UBE2E2: variants seen among roughly 807,000 people sequenced by gnomAD.
UBE2E2 encodes ubiquitin conjugating enzyme E2 E2, also known as ubiquitin-conjugating enzyme E2 E2.
UBE2E2 carries 6 observed loss-of-function variants against 24.7 expected under a neutral mutation model. That is an observed-to-expected ratio of 0.24 (90% confidence interval 0.13 to 0.48). UBE2E2 has a LOEUF of 0.48. Ranked by LOEUF, UBE2E2 falls within the 20% of genes least tolerant of loss-of-function variation. The pLI, the probability that UBE2E2 is intolerant of heterozygous loss-of-function variation, is 0.99. For synonymous variants in UBE2E2, 104 were observed against 83.6 expected, an observed-to-expected ratio of 1.24 and a Z score of -1.33; for missense variants, 169 against 245.0, an observed-to-expected ratio of 0.69 and a Z score of 2.07.
intron 3 of UBE2E2, among the ~76,000 whole-genome samples, chr3:23,231,283 TGTATACTTGCTATCAGTTCCACATCTTA>T (rs1269108181): frequency 6.6e-6 from 1 of 152,188 alleles, no homozygotes; most frequent in African/African-American, 2.4e-5. Flanking sequence ...TAAAGCAGCT[TGTATACTTGCTATCAGTTCCACATCTTA>T]GTTGGTTAGT....
chr3:23,577,136 T>G (rs1190968639), intron 5 of UBE2E2, among the ~76,000 whole-genome samples: 2 of 152,026 alleles, frequency 1.3e-5, no homozygotes, highest in East Asian at 3.9e-4. Context: ...AGTGTTCAAG[T>G]GAAAGGAAGA....
chr3:23,383,915 C>T (rs1696742071), intron 3 of UBE2E2, among the ~76,000 whole-genome samples: 1 of 149,596 alleles, frequency 6.7e-6, no homozygotes, highest in Non-Finnish European at 1.5e-5. Flanking sequence ...GGAAAAATTT[C>T]AGTTTCATGC....
In UBE2E2 at chr3:23,413,223, GA is replaced by G. The variant is rs553079287; in HGVS notation, c.228-86377del. On this transcript the variant is annotated intron_variant, in intron 3 of 5. Coordinates refer to ENST00000396703, the MANE Select transcript of UBE2E2 (RefSeq NM_152653.4). The stretch of plus-strand genomic sequence containing the variant: ...ATAATAAAATTAAAAAAAAATCTGA[GA>G]AAAAAAAGTTAATTTAAACTTTAGC... Among the ~76,000 whole-genome samples the G allele has an allele frequency of 1.3e-3, 201 of 150,898 alleles. 1 individual carries two copies. The highest frequency in any genetic ancestry group is 4.4e-3 in the African/African-American group (181 of 40,994).
At chr3:23,308,577 A>G (rs1282178170) in intron 3 of UBE2E2, among the ~76,000 whole-genome samples, 1 of 152,208 alleles carries the variant, frequency 6.6e-6, no homozygotes, top group Non-Finnish European at 1.5e-5. Context: ...TTATCATTTA[A>G]AGACAGGTAT....
intron 3 of UBE2E2, among the ~76,000 whole-genome samples, chr3:23,353,751 G>A (rs990788896): frequency 6.6e-6 from 1 of 152,062 alleles, no homozygotes; most frequent in East Asian, 1.9e-4. Flanking sequence ...ACAAAGAAAT[G>A]GAAGAACATT....
intron 3 of UBE2E2, among the ~76,000 whole-genome samples, chr3:23,294,977 A>G (rs1437166613): frequency 6.6e-6 from 1 of 151,924 alleles, no homozygotes; most frequent in Non-Finnish European, 1.5e-5. Context: ...AACTGAGTCT[A>G]AAACCACTTC....
rs540560713 is a variant in UBE2E2, at chr3:23,329,541, G to A, written c.227+112229G>A. Among the ~76,000 whole-genome samples, 4 of 152,374 alleles carry A rather than the reference G, an allele frequency of 2.6e-5. No individual in the cohort carries two copies. In the South Asian group the frequency reaches 8.3e-4, roughly 32 times the overall value. On this transcript the variant is annotated intron_variant, in intron 3 of 5. Coordinates refer to ENST00000396703, the MANE Select transcript of UBE2E2 (RefSeq NM_152653.4). Reference sequence around the variant, plus strand: ...AGGAATTTAAATATTAAGCTTTGATGAGAGATTGTTAAATTTTCTCAATAT... The same window carrying A: ...AGGAATTTAAATATTAAGCTTTGATAAGAGATTGTTAAATTTTCTCAATAT...
intron 3 of UBE2E2, among the ~76,000 whole-genome samples, chr3:23,240,468 T>G (rs1697229520): frequency 6.6e-6 from 1 of 152,206 alleles, no homozygotes; most frequent in South Asian, 2.1e-4. Context: ...TCAGTTCTGG[T>G]TTTATCATAT....
chr3:23,369,172 T>C (rs1696335714), intron 3 of UBE2E2, among the ~76,000 whole-genome samples: 1 of 152,176 alleles, frequency 6.6e-6, no homozygotes, highest in Admixed American at 6.5e-5. Context: ...GTTTGTATTG[T>C]TAAAATAAAA....
chr3:23,554,152 A>G (rs1575703250), intron 5 of UBE2E2, among the ~76,000 whole-genome samples: 2 of 152,346 alleles, frequency 1.3e-5, no homozygotes, highest in South Asian at 2.1e-4. Flanking sequence ...TCAAAGCTAT[A>G]GTATATAGCT....
At chr3:23,544,397 A>G (rs1695467901) in intron 5 of UBE2E2, among the ~76,000 whole-genome samples, 1 of 152,228 alleles carries the variant, frequency 6.6e-6, no homozygotes, top group Non-Finnish European at 1.5e-5. Context: ...AATGACATGA[A>G]TAGACATTTC....
At chr3:23,300,082 T>A (rs2125260820) in intron 3 of UBE2E2, among the ~76,000 whole-genome samples, 1 of 152,294 alleles carries the variant, frequency 6.6e-6, no homozygotes, top group South Asian at 2.1e-4. Context: ...TTAAAGTCTG[T>A]TTTATCAGAG....
chr3:23,439,695 A>T (rs1698258536), intron 3 of UBE2E2, among the ~76,000 whole-genome samples: 1 of 152,188 alleles, frequency 6.6e-6, no homozygotes, highest in Admixed American at 6.5e-5. Context: ...CAATGGAAAG[A>T]TAGATAACCT....
At chr3:23,352,718 G>T (rs896302894) in intron 3 of UBE2E2, among the ~76,000 whole-genome samples, 1 of 152,202 alleles carries the variant, frequency 6.6e-6, no homozygotes, top group South Asian at 2.1e-4. Context: ...CCAATAACAG[G>T]CTCTGAAATT....
chr3:23,457,503 A>AGCT (rs1698705235), intron 3 of UBE2E2, among the ~76,000 whole-genome samples: 1 of 152,148 alleles, frequency 6.6e-6, no homozygotes, highest in Admixed American at 6.5e-5. Context: ...CTTCTCCATC[A>AGCT]GCTGCTGCTG....
intron 5 of UBE2E2, among the ~76,000 whole-genome samples, chr3:23,577,337 A>C (rs1192173738): frequency 2.6e-5 from 4 of 152,094 alleles, no homozygotes; most frequent in Non-Finnish European, 4.4e-5. Context: ...ATTTAAAAAA[A>C]AAAAAAAGCA....
intron 3 of UBE2E2, among the ~76,000 whole-genome samples, chr3:23,368,221 A>G (rs1333062613): frequency 3.9e-5 from 6 of 152,134 alleles, no homozygotes; most frequent in Admixed American, 3.9e-4. Flanking sequence ...TAATTTAGAA[A>G]CCAGGTAGAT....
rs539164148 is a variant in UBE2E2, at chr3:23,273,505, T to C, written c.227+56193T>C. Among the ~76,000 whole-genome samples, 3 of 142,358 alleles carry C rather than the reference T, an allele frequency of 2.1e-5. No individual in the cohort carries two copies. In the South Asian group the frequency reaches 6.6e-4, roughly 32 times the overall value. 93.4% of individuals were successfully genotyped at this position (142,358 alleles called of 152,430 possible). A position where few individuals can be genotyped will look rare whatever the true frequency, so the allele number is the denominator to read the frequency against. The stretch of plus-strand genomic sequence containing the variant: ...GAGATTGCGCCACTGCACTCCAGCC[T>C]GGGCGACAGAGCGAGACTCCGTCTC... On this transcript the variant is annotated intron_variant, in intron 3 of 5. Coordinates refer to ENST00000396703, the MANE Select transcript of UBE2E2 (RefSeq NM_152653.4).
intron 3 of UBE2E2, among the ~76,000 whole-genome samples, chr3:23,233,946 A>G (rs1002907301): frequency 2.6e-5 from 4 of 152,338 alleles, no homozygotes; most frequent in Middle Eastern, 3.4e-3. Context: ...ATGTGTAAAT[A>G]TAAGTGTTAT....
Sources: allele counts gnomAD v4.1 joint callset (sites outside exome capture counted in the v4.1 genomes callset), GRCh38; gene constraint gnomAD v4.1.1; transcripts MANE v1.5; gene names NCBI Gene and HGNC (gene_info 2026-07-23, HGNC 2026-07-21).